TTC28: variants seen among roughly 807,000 people sequenced by gnomAD.
The protein encoded by TTC28 is tetratricopeptide repeat domain 28, also known as tetratricopeptide repeat protein 28.
In TTC28, 61 loss-of-function variants were observed where a neutral mutation model predicts 198.0. The observed-to-expected ratio is 0.31, with a 90% CI of 0.25 to 0.38. The LOEUF is 0.38. Ranked by LOEUF, TTC28 falls within the 10% of genes least tolerant of loss-of-function variation. The pLI is 1.00. For missense variants in TTC28, 2,678 were observed against 3,164.0 expected (o/e 0.85, Z 3.69); for synonymous variants, 1,171 against 1,297.8 (o/e 0.90, Z 2.10).
intron 5 of TTC28, among the ~76,000 whole-genome samples, chr22:28,172,641 A>G (rs190387112): frequency 6.6e-6 from 1 of 152,306 alleles, no homozygotes; most frequent in African/African-American, 2.4e-5. Context: ...AGAAAGAGGG[A>G]AAGACTATTA....
chr22:28,346,211 C>G (rs2145919211), intron 2 of TTC28, among the ~76,000 whole-genome samples: 1 of 152,330 alleles, frequency 6.6e-6, no homozygotes, highest in Admixed American at 6.5e-5. Context: ...AGATTTGAGA[C>G]ATTAACTCAG....
chr22:28,628,609 C>T (rs2051115683), intron 2 of TTC28, among the ~76,000 whole-genome samples: 1 of 152,172 alleles, frequency 6.6e-6, no homozygotes, highest in Admixed American at 6.5e-5. Context: ...TTTCGCCCCT[C>T]TCCTATCCCC....
intron 2 of TTC28, among the ~76,000 whole-genome samples, chr22:28,337,222 T>C (rs2045741285): frequency 6.6e-6 from 1 of 152,236 alleles, no homozygotes; most frequent in South Asian, 2.1e-4. Flanking sequence ...TTATAATTTC[T>C]GTTCTTTTAC....
chr22:28,235,290 C>A (rs1929153058), intron 5 of TTC28, among the ~76,000 whole-genome samples: 2 of 152,108 alleles, frequency 1.3e-5, no homozygotes, highest in South Asian at 4.2e-4. Flanking sequence ...GCATTTGATG[C>A]CTGATCTGTT....
intron 2 of TTC28, among the ~76,000 whole-genome samples, chr22:28,506,230 A>G (rs2048611145): frequency 6.6e-6 from 1 of 151,888 alleles, no homozygotes; most frequent in Non-Finnish European, 1.5e-5. Flanking sequence ...CCAGCTTTGG[A>G]GAACACAGAC....
At chr22:28,547,489 C>T (rs16986509) in intron 2 of TTC28, among the ~76,000 whole-genome samples, 15,083 of 152,122 alleles carry the variant, frequency 0.099, 849 homozygotes, top group African/African-American at 0.12. Context: ...AGATTTTTGT[C>T]TCTCCCTTAT....
At chr22:28,016,992 T>C (rs1938403889) in intron 13 of TTC28, among the ~76,000 whole-genome samples, 1 of 152,166 alleles carries the variant, frequency 6.6e-6, no homozygotes. Context: ...CGGCCAGCAA[T>C]TCAAAAGAGG....
At chr22:28,672,824 A>G (rs1302158006) in intron 1 of TTC28, among the ~76,000 whole-genome samples, 1 of 152,258 alleles carries the variant, frequency 6.6e-6, no homozygotes, top group Non-Finnish European at 1.5e-5. Flanking sequence ...CACTGTGACC[A>G]CTACAGAAAA....
intron 2 of TTC28, among the ~76,000 whole-genome samples, chr22:28,611,475 G>C (rs1363388436): frequency 6.7e-6 from 1 of 149,804 alleles, no homozygotes; most frequent in African/African-American, 2.4e-5. Context: ...AAGCTTCATA[G>C]GTGAAGGAGA....
At chr22:28,508,304 T>C (rs2048640185) in intron 2 of TTC28, among the ~76,000 whole-genome samples, 1 of 152,178 alleles carries the variant, frequency 6.6e-6, no homozygotes, top group African/African-American at 2.4e-5. Flanking sequence ...TTTATTTTAT[T>C]GAGATGGAGT....
At chr22:28,031,373 C>G (rs1939069239) in intron 12 of TTC28, among the ~76,000 whole-genome samples, 1 of 152,182 alleles carries the variant, frequency 6.6e-6, no homozygotes, top group Non-Finnish European at 1.5e-5. Flanking sequence ...CCAGATAACT[C>G]TAAGCCCACA....
At chr22:28,542,017 A>C (rs2049423098) in intron 2 of TTC28, among the ~76,000 whole-genome samples, 2 of 152,162 alleles carry the variant, frequency 1.3e-5, no homozygotes, top group Admixed American at 1.3e-4. Context: ...TGAGCCCTGG[A>C]GTTAGAGGCT....
At chr22:28,498,242 G>A (rs1467905586) in intron 2 of TTC28, among the ~76,000 whole-genome samples, 2 of 151,932 alleles carry the variant, frequency 1.3e-5, no homozygotes, top group Admixed American at 6.6e-5. Flanking sequence ...ATAAAACAAC[G>A]AACAGATCAA....
intron 12 of TTC28, among the ~76,000 whole-genome samples, chr22:28,071,748 G>GAAAAAAAAAAAAAAAAAAA (rs371615737): frequency 1.1e-4 from 10 of 91,008 alleles, no homozygotes; most frequent in Non-Finnish European, 1.6e-4. Flanking sequence ...AAAAAAAAAG[G>GAAAAAAAAAAAAAAAAAAA]AAAAAAAAAA....
At chr22:28,169,629 A>T (rs932337632) in intron 5 of TTC28, among the ~76,000 whole-genome samples, 4 of 152,054 alleles carry the variant, frequency 2.6e-5, no homozygotes, top group Non-Finnish European at 5.9e-5. Context: ...ATCAGAACAC[A>T]TGGACACAGG....
chr22:28,621,078 G>T (rs1053029473), intron 2 of TTC28, among the ~76,000 whole-genome samples: 5 of 152,208 alleles, frequency 3.3e-5, no homozygotes, highest in Admixed American at 3.3e-4. Context: ...TACAAGGATA[G>T]ACTAAATGGC....
intron 1 of TTC28, among the ~76,000 whole-genome samples, chr22:28,645,454 C>T (rs1022718328): frequency 3.3e-5 from 5 of 151,668 alleles, no homozygotes; most frequent in Non-Finnish European, 5.9e-5. Context: ...TGGTGAAACC[C>T]CATCTCTACT....
intron 2 of TTC28, among the ~76,000 whole-genome samples, chr22:28,499,989 C>T (rs1373137009): frequency 3.3e-5 from 5 of 152,072 alleles, no homozygotes; most frequent in African/African-American, 9.7e-5. Context: ...TTACTGTTAA[C>T]TATAGTCATC....
At chr22:28,410,722 A>G (rs1209341413) in intron 2 of TTC28, among the ~76,000 whole-genome samples, 1 of 152,250 alleles carries the variant, frequency 6.6e-6, no homozygotes, top group Non-Finnish European at 1.5e-5. Flanking sequence ...ATTCAGCAAG[A>G]TTACAATCAG....
Sources: gnomAD v4.1 joint callset for allele counts (sites outside exome capture counted in the v4.1 genomes callset) on GRCh38, gnomAD v4.1.1 for gene constraint, MANE v1.5 for transcripts, NCBI Gene and HGNC (gene_info 2026-07-23, HGNC 2026-07-21) for gene names.